NTM: variants seen among roughly 807,000 people sequenced by gnomAD.
NTM encodes IgLON family member 2.
A neutral mutation model predicts 42.1 loss-of-function variants in NTM; 13 were observed. The observed-to-expected ratio is 0.31, with a 90% CI of 0.20 to 0.49. The LOEUF (loss-of-function observed/expected upper bound fraction) is 0.49, where lower values mean the gene tolerates loss of function less well. Among genes scored for constraint, NTM ranks in the 20% least tolerant of loss-of-function variants. The pLI is 0.99. For synonymous variants in NTM, 187 were observed against 179.2 expected (o/e 1.04, Z -0.35); for missense variants, 373 against 452.8 (o/e 0.82, Z 1.60).
chr11:131,650,796 A>G (rs1041595795), intron 1 of NTM, among the ~76,000 whole-genome samples: 2 of 152,222 alleles, frequency 1.3e-5, no homozygotes, highest in Admixed American at 6.5e-5. Context: ...AAATTCTGTT[A>G]TATAATTTCA....
At chr11:131,717,828 A>T (rs1393592692) in intron 1 of NTM, among the ~76,000 whole-genome samples, 1 of 152,168 alleles carries the variant, frequency 6.6e-6, no homozygotes, top group Non-Finnish European at 1.5e-5. Flanking sequence ...TTTTATCTTT[A>T]GATATGCTGA....
intron 2 of NTM, among the ~76,000 whole-genome samples, chr11:132,031,042 G>A (rs1048801213): frequency 6.6e-6 from 1 of 152,142 alleles, no homozygotes; most frequent in Admixed American, 6.5e-5. Context: ...TGACAAGCTA[G>A]CCACTCATGC....
In NTM at chr11:132,069,416, G is replaced by A. The variant is rs1433873802; in HGVS notation, c.168-76866G>A. Among the ~76,000 whole-genome samples, 22 of 85,038 alleles carry A rather than the reference G, an allele frequency of 2.6e-4. 1 individual carries two copies. Among genetic ancestry groups the A allele is most frequent in the Middle Eastern group, 0.011 (1 of 88 alleles). 55.8% of individuals were successfully genotyped at this position (85,038 alleles called of 152,430 possible). On this transcript the variant is annotated intron_variant, in intron 2 of 8. Transcript: ENST00000683400. ...GCCAAGTTAACACGTCAAACTGACTGTCACCGGTTAGTTAACACGTCACAC... is the reference window on the plus strand; with the variant it reads ...GCCAAGTTAACACGTCAAACTGACTATCACCGGTTAGTTAACACGTCACAC...
At chr11:131,433,518 G>C (rs149525554) in intron 1 of NTM, among the ~76,000 whole-genome samples, 3 of 152,092 alleles carry the variant, frequency 2.0e-5, no homozygotes, top group African/African-American at 7.2e-5. Flanking sequence ...TTGTGTTTTG[G>C]AAGAGTGTAC....
chr11:131,676,474 TGTGC>T (rs2071415096), intron 1 of NTM, among the ~76,000 whole-genome samples: 1 of 152,174 alleles, frequency 6.6e-6, no homozygotes, highest in Admixed American at 6.5e-5. Flanking sequence ...TGTACATGCG[TGTGC>T]GGGGGTATGC....
At chr11:131,839,104 G>C (rs2043898547) in intron 1 of NTM, among the ~76,000 whole-genome samples, 1 of 151,956 alleles carries the variant, frequency 6.6e-6, no homozygotes, top group African/African-American at 2.4e-5. Flanking sequence ...GGGATTACAG[G>C]TGCACACCAC....
intron 1 of NTM, among the ~76,000 whole-genome samples, chr11:131,842,186 G>A (rs1428987742): frequency 1.3e-5 from 2 of 152,200 alleles, no homozygotes; most frequent in Non-Finnish European, 1.5e-5. Context: ...AAGTTTCTGA[G>A]CAGGAACTGG....
chr11:131,806,808 C>T (rs2092513149), intron 1 of NTM, among the ~76,000 whole-genome samples: 2 of 152,140 alleles, frequency 1.3e-5, no homozygotes, highest in Admixed American at 1.3e-4. Flanking sequence ...TTATTAGGCT[C>T]CAGGCACAAT....
chr11:132,022,178 A>C (rs1405866819), intron 2 of NTM, among the ~76,000 whole-genome samples: 1 of 152,194 alleles, frequency 6.6e-6, no homozygotes, highest in Non-Finnish European at 1.5e-5. Context: ...CTGGAGTCAG[A>C]ATACCACAGA....
chr11:131,707,429 T>A (rs1369490944), intron 1 of NTM, among the ~76,000 whole-genome samples: 2 of 152,136 alleles, frequency 1.3e-5, no homozygotes, highest in African/African-American at 4.8e-5. Flanking sequence ...GTATCTTGAT[T>A]ACTATGAATA....
chr11:131,959,200 G>A (rs188431181), intron 2 of NTM, among the ~76,000 whole-genome samples: 3 of 152,158 alleles, frequency 2.0e-5, no homozygotes, highest in Non-Finnish European at 2.9e-5. Flanking sequence ...GTAATGGGCT[G>A]CCCGCAGATT....
intron 1 of NTM, among the ~76,000 whole-genome samples, chr11:131,668,127 A>T (rs1358412199): frequency 6.6e-6 from 1 of 152,150 alleles, no homozygotes; most frequent in Non-Finnish European, 1.5e-5. Flanking sequence ...GCAGGATTTG[A>T]ACTCATGCCA....
chr11:132,175,714 A>C (rs1336862742), intron 3 of NTM, among the ~76,000 whole-genome samples: 1 of 151,902 alleles, frequency 6.6e-6, no homozygotes, highest in Non-Finnish European at 1.5e-5. Flanking sequence ...CAGCCTCCCG[A>C]GTAGCTGGGA....
chr11:131,613,294 C>T (rs937711211), intron 1 of NTM, among the ~76,000 whole-genome samples: 1 of 152,112 alleles, frequency 6.6e-6, no homozygotes, highest in East Asian at 1.9e-4. Context: ...TGACCAGGGA[C>T]ACCCGCCTGA....
rs190996170 is a variant in NTM, at chr11:132,147,525, G to A, written c.400+1011G>A. On this transcript the variant is annotated intron_variant, in intron 3 of 8. Transcript: ENST00000683400. ...GTAGAAGAGGGCGTGGCACATACAA[G>A]TGCTATTTCAGTGTTAGCTATGGAG... Among the ~76,000 whole-genome samples, 499 of 151,716 alleles carry A rather than the reference G, an allele frequency of 3.3e-3. 2 individuals are homozygous for A. Among genetic ancestry groups the A allele is most frequent in the Non-Finnish European group, 5.6e-3 (383 of 67,978 alleles).
chr11:131,891,348 T>C (rs1243067997), intron 1 of NTM, among the ~76,000 whole-genome samples: 2 of 152,068 alleles, frequency 1.3e-5, no homozygotes, highest in African/African-American at 2.4e-5. Flanking sequence ...TGAATAGTGT[T>C]GATTGACAGA....
At chr11:131,799,927 A>AT (rs2091961561) in intron 1 of NTM, among the ~76,000 whole-genome samples, 1 of 151,974 alleles carries the variant, frequency 6.6e-6, no homozygotes, top group African/African-American at 2.4e-5. Flanking sequence ...GAACTTACCT[A>AT]TTTTTTCTAA....
chr11:131,804,435 G>A lies in NTM; in HGVS notation c.83-107129G>A, dbSNP rs116963034. On this transcript the variant is annotated intron_variant, in intron 1 of 8. Transcript: ENST00000683400. ...GCCCTCACCTTCTTAATCTTCACGC[G>A]CACCCAGCTTTCATGCCATAAAGGG... is the stretch of plus-strand genomic sequence containing the variant. Among the ~76,000 whole-genome samples, 1,136 of 152,050 alleles carry A rather than the reference G, an allele frequency of 7.5e-3. 12 individuals carry two copies. The highest frequency in any genetic ancestry group is 0.024 in the Middle Eastern group (7 of 294).
chr11:131,598,860 C>T (rs1298371414), intron 1 of NTM, among the ~76,000 whole-genome samples: 1 of 39,176 alleles, frequency 2.6e-5, no homozygotes, highest in African/African-American at 6.5e-5. Flanking sequence ...TTCCTTCCTT[C>T]CTTCCTTCCT....
Sources: allele counts gnomAD v4.1 joint callset (sites outside exome capture counted in the v4.1 genomes callset), GRCh38; gene constraint gnomAD v4.1.1; transcripts MANE v1.5; gene names NCBI Gene and HGNC (gene_info 2026-07-23, HGNC 2026-07-21).